ADAMTS14: variants seen among roughly 807,000 people sequenced by gnomAD.
ADAMTS14 encodes the protein A disintegrin and metalloproteinase with thrombospondin motifs 14.
A neutral mutation model predicts 128.6 loss-of-function variants in ADAMTS14; 100 were observed. The ratio of observed to expected loss-of-function variants is 0.78; its 90% confidence interval spans 0.66 to 0.92. The LOEUF is 0.92. Ranked by LOEUF, ADAMTS14 falls within the 40% of genes least tolerant of loss-of-function variation. The pLI, the probability that ADAMTS14 is intolerant of heterozygous loss-of-function variation, is 0.00. For synonymous variants in ADAMTS14, 665 were observed against 653.8 expected (o/e 1.02, Z -0.26); for missense variants, 1,562 against 1,658.6 (o/e 0.94, Z 1.01).
At chr10:70,747,675 G>A (rs779756806) in intron 15 of ADAMTS14, among the ~76,000 whole-genome samples, 6 of 152,204 alleles carry the variant, frequency 3.9e-5, no homozygotes, top group African/African-American at 1.4e-4. Flanking sequence ...GCTAGCATCC[G>A]GGGCAGGCCG....
chr10:70,700,421 C>A, intron 2 of ADAMTS14, among the ~76,000 whole-genome samples: 1 of 152,162 alleles, frequency 6.6e-6, no homozygotes, highest in East Asian at 1.9e-4. Context: ...CCCTGGGTGA[C>A]CTTGTGACTC....
Position 70,732,359 on chromosome 10 carries a change from T to A in ADAMTS14, c.1208T>A (p.Val403Glu), listed in dbSNP as rs752159062. The A allele has an allele frequency of 2.9e-5, 46 of 1,612,612 alleles. No homozygotes were observed. The highest frequency in any genetic ancestry group is 2.3e-4 in the Admixed American group (14 of 59,962). ...AFVIAHETGH[V>E]LGMEHDGQGN... ...GTGATAGCTCATGAGACCGGCCACGTGTAAGTGGCAGCAGCACGGTGGGTG... is the reference window on the plus strand; with the variant it reads ...GTGATAGCTCATGAGACCGGCCACGAGTAAGTGGCAGCAGCACGGTGGGTG... Residue 403 changes from valine to glutamate, a missense_variant and splice_region_variant, in exon 7 of 22, where the codon GTG becomes GAG. Val to Glu is a moderately radical substitution (Grantham distance 121). Coordinates refer to ENST00000373207, the MANE Select transcript of ADAMTS14 (RefSeq NM_080722.4).
At chr10:70,686,487 C>CTTA (rs1839956440) in intron 2 of ADAMTS14, among the ~76,000 whole-genome samples, 2 of 83,044 alleles carry the variant, frequency 2.4e-5, no homozygotes, top group African/African-American at 9.0e-5. Context: ...GGTGATGACT[C>CTTA]TTAACGAGCA....
At chr10:70,744,237 T>TGAC (rs1564553109) in intron 14 of ADAMTS14, 48 bp downstream of exon 14, 175 of 1,469,754 alleles carry the variant, frequency 1.2e-4, no homozygotes, top group Non-Finnish European at 6.1e-5. Context: ...ACTGGAGTTC[T>TGAC]TGCCGTCCCT....
At chr10:70,735,935 G>T (rs551854223) in intron 9 of ADAMTS14, among the ~76,000 whole-genome samples, 7 of 152,302 alleles carry the variant, frequency 4.6e-5, no homozygotes, top group Admixed American at 3.9e-4. Context: ...CAGGCCTTGG[G>T]GACCTGAGTG....
chr10:70,744,326 C>T, intron 14 of ADAMTS14, 137 bp downstream of exon 14: 1 of 1,238,624 alleles, frequency 8.1e-7, no homozygotes, highest in East Asian at 3.1e-5. Context: ...CCAGGCCTTC[C>T]TGGGCTGCCC....
chr10:70,744,240 C>G (rs1464149401), intron 14 of ADAMTS14, 51 bp downstream of exon 14: 177 of 1,468,138 alleles, frequency 1.2e-4, no homozygotes, highest in Non-Finnish European at 6.2e-5. Context: ...GGAGTTCTTG[C>G]CGTCCCTCAG....
rs973580014 is a variant in ADAMTS14 at position 70,738,909 on chromosome 10, G to A, written c.1667G>A (p.Ser556Asn). ...ACATATGGCCAGGATGGAGGCTGGAGCTCCTGGACCAAGTTTGGGTCATGT... is the reference window on the plus strand; with the variant it reads ...ACATATGGCCAGGATGGAGGCTGGAACTCCTGGACCAAGTTTGGGTCATGT... ...EQTYGQDGGW[S>N]SWTKFGSCSR... The change falls in exon 11 of 22, where the codon AGC (serine) becomes AAC (asparagine). Residue 556 changes from serine to asparagine, a missense_variant. Physicochemically the swap from Ser to Asn is conservative, Grantham distance 46. Coordinates refer to ENST00000373207, the MANE Select transcript of ADAMTS14 (RefSeq NM_080722.4). 2 of 1,614,116 alleles carry A rather than the reference G, an allele frequency of 1.2e-6. No individual in the cohort carries two copies. The highest frequency in any genetic ancestry group is 1.1e-5 in the South Asian group (1 of 91,078).
intron 12 of ADAMTS14, among the ~76,000 whole-genome samples, chr10:70,743,143 G>C (rs184926222): frequency 6.6e-6 from 1 of 152,290 alleles, no homozygotes; most frequent in East Asian, 1.9e-4. Context: ...CTACCTCATT[G>C]AGGTGTTGAG....
chr10:70,746,886 G>T (rs1384288956), intron 15 of ADAMTS14, among the ~76,000 whole-genome samples: 1 of 152,122 alleles, frequency 6.6e-6, no homozygotes, highest in Non-Finnish European at 1.5e-5. Context: ...GGGCAGTGGT[G>T]TCTGTGTTCA....
rs185332124 is a variant in ADAMTS14 at position 70,721,775 on chromosome 10, C to T, written c.871-7519C>T. 7.9e-5 allele frequency among the ~76,000 whole-genome samples: 12 copies of T among 152,356 alleles called. No individual in the cohort carries two copies. The East Asian group carries it at 2.3e-3, about 29-fold the overall frequency. On this transcript the variant is annotated intron_variant, in intron 4 of 21. Coordinates refer to ENST00000373207, the MANE Select transcript of ADAMTS14 (RefSeq NM_080722.4). ...ACTTCTTCACATTCAGAGCAGTGCC[C>T]TTGCATGTCACATTTCAGCACAGTC...
In ADAMTS14 at chr10:70,675,376, T is replaced by C. The variant is rs140234951; in HGVS notation, c.522+381T>C. On this transcript the variant is annotated intron_variant, in intron 2 of 21. Transcript: ENST00000373207. The stretch of plus-strand genomic sequence containing the variant: ...TTTTGCACATATTTACTGTTCTAGA[T>C]GCTGGGGGTACAGTGGTGCCTGAGA... 1.4e-3 allele frequency among the ~76,000 whole-genome samples: 215 copies of C among 152,310 alleles called. 1 individual carries two copies. Among genetic ancestry groups the C allele is most frequent in the South Asian group, 7.7e-3 (37 of 4,822 alleles).
At chr10:70,759,204 A>G (rs1212216316) in intron 21 of ADAMTS14, among the ~76,000 whole-genome samples, 1 of 134,522 alleles carries the variant, frequency 7.4e-6, no homozygotes, top group African/African-American at 2.8e-5. Context: ...CCCAAAGCAA[A>G]GGACGATTCC....
chr10:70,687,338 A>AC (rs1439448882), intron 2 of ADAMTS14, among the ~76,000 whole-genome samples: 2 of 50,034 alleles, frequency 4.0e-5, no homozygotes, highest in African/African-American at 6.5e-5. Context: ...CGGGGGGCCG[A>AC]CCCCCCCACC....
Position 70,730,364 on chromosome 10 carries a change from A to C in ADAMTS14, c.1102+115A>C, listed in dbSNP as rs1340935341. ...TGGGGCCCACCACATGGAGGTTTGAAGGGATGGGACCTGGACAGCCGAGGA... is the reference window on the plus strand; with the variant it reads ...TGGGGCCCACCACATGGAGGTTTGACGGGATGGGACCTGGACAGCCGAGGA... On this transcript the variant is annotated intron_variant, in intron 6 of 21. Coordinates refer to ENST00000373207, the MANE Select transcript of ADAMTS14 (RefSeq NM_080722.4). 2.1e-6 allele frequency: 3 copies of C among 1,401,738 alleles called. No individual in the cohort carries two copies. In the African/African-American group the frequency reaches 4.3e-5, roughly 20 times the overall value. The allele number at this position is 1,401,738 out of a possible 1,614,324, so 86.8% of individuals were successfully genotyped here. A position where few individuals can be genotyped will look rare whatever the true frequency, so the allele number is the denominator to read the frequency against.
intron 4 of ADAMTS14, among the ~76,000 whole-genome samples, chr10:70,728,453 T>A (rs1841513920): frequency 6.6e-6 from 1 of 152,236 alleles, no homozygotes; most frequent in African/African-American, 2.4e-5. Context: ...ACAAAAAAGC[T>A]GGAGTATCCA....
intron 18 of ADAMTS14, among the ~76,000 whole-genome samples, chr10:70,752,624 C>T (rs964238350): frequency 1.3e-5 from 2 of 152,160 alleles, no homozygotes; most frequent in African/African-American, 2.4e-5. Flanking sequence ...GCAGAGCCGG[C>T]CTCAAGACCT....
intron 4 of ADAMTS14, among the ~76,000 whole-genome samples, chr10:70,716,013 C>T (rs1841027503): frequency 6.6e-6 from 1 of 152,176 alleles, no homozygotes; most frequent in Admixed American, 6.5e-5. Flanking sequence ...CACATTCTGA[C>T]TTTTGACCCT....
intron 2 of ADAMTS14, among the ~76,000 whole-genome samples, chr10:70,692,675 T>C (rs1423303135): frequency 6.6e-6 from 1 of 152,172 alleles, no homozygotes; most frequent in East Asian, 1.9e-4. Flanking sequence ...GAGAAAGAAA[T>C]TGCCTACAGT....
Sources: allele counts gnomAD v4.1 joint callset (sites outside exome capture counted in the v4.1 genomes callset), GRCh38; gene constraint gnomAD v4.1.1; transcripts MANE v1.5; gene names NCBI Gene and HGNC (gene_info 2026-07-23, HGNC 2026-07-21).